The following COL28A1 variants were observed in gnomAD, a reference collection of about 807,000 sequenced individuals.
COL28A1 encodes the protein collagen type XXVIII alpha 1 chain.
A neutral mutation model predicts 150.2 loss-of-function variants in COL28A1; 161 were observed. The observed-to-expected ratio is 1.07, with a 90% CI of 0.94 to 1.22. COL28A1 has a LOEUF of 1.22. Among genes scored for constraint, COL28A1 ranks in the 50% most tolerant of loss-of-function variants. COL28A1 has a pLI of 0.00. For missense variants in COL28A1, 1,617 were observed against 1,388.3 expected (o/e 1.16, Z -2.62); for synonymous variants, 552 against 469.7 (o/e 1.18, Z -2.26).
At chr7:7,343,310 CCTT>C in the COL28A1 span, among the ~76,000 whole-genome samples, 1 of 151,974 alleles carries the variant, frequency 6.6e-6, no homozygotes, top group Non-Finnish European at 1.5e-5. Flanking sequence ...CCTCATGCCC[CCTT>C]TTTTCCTTCT....
intron 5 of COL28A1, among the ~76,000 whole-genome samples, chr7:7,520,865 G>T (rs759222829): frequency 1.3e-5 from 2 of 152,146 alleles, no homozygotes; most frequent in Non-Finnish European, 2.9e-5. Flanking sequence ...AGACTTTATA[G>T]GAAGGGATGG....
At chr7:7,533,523 C>T (rs1334444201) in intron 1 of COL28A1, among the ~76,000 whole-genome samples, 2 of 152,116 alleles carry the variant, frequency 1.3e-5, no homozygotes, top group Non-Finnish European at 2.9e-5. Context: ...TTCAAAGCTG[C>T]ATATGCAATG....
chr7:7,385,973 A>G (rs1253992632), intron 27 of COL28A1, among the ~76,000 whole-genome samples: 8 of 152,332 alleles, frequency 5.3e-5, no homozygotes, highest in South Asian at 2.1e-4. Flanking sequence ...TTTTCAATGT[A>G]TAAGTCTCAG....
chr7:7,517,825 T>C lies in COL28A1; in HGVS notation c.826A>G (p.Lys276Glu). 1.9e-6 allele frequency: 3 copies of C among 1,613,798 alleles called. No homozygotes were observed. Among genetic ancestry groups the C allele is most frequent in the Non-Finnish European group, 2.5e-6 (3 of 1,179,720 alleles). Residue 276 changes from lysine to glutamate, a missense_variant, in exon 7 of 35, where the codon AAA (lysine) becomes GAA (glutamate). By Grantham distance (56) the Lys-to-Glu change is moderately conservative. Transcript: ENST00000399429. ...GGACCTCTTTCTCCAGCTTCTCCTT[T>C]TTGAGCGTTGCCCTGTGACAAACAA... ...GPKGNPGNAQ[K>E]GEAGERGPGG... is the part of the protein sequence containing the mutation.
In COL28A1 at chr7:7,373,857, G is replaced by A. The variant is rs1289116378; in HGVS notation, c.2360-311C>T. ...TGGGACTACAGGCGCCCGCCACCTC[G>A]CCTGGCTAATTTTTTGTATTTTTAG... On this transcript the variant is annotated intron_variant, in intron 31 of 34. Transcript: ENST00000399429. This position sits in a 1 kb window ranked among gnomAD's most constrained non-coding sequence, Gnocchi z 4.1. Among the ~76,000 whole-genome samples, 1 of 151,026 alleles carries A rather than the reference G, an allele frequency of 6.6e-6. No homozygotes were observed. Among genetic ancestry groups the A allele is most frequent in the East Asian group, 1.9e-4 (1 of 5,132 alleles).
chr7:7,417,000 A>G (rs1024933068), intron 27 of COL28A1, among the ~76,000 whole-genome samples: 1 of 152,050 alleles, frequency 6.6e-6, no homozygotes, highest in Admixed American at 6.5e-5. Context: ...GTAAAAATAT[A>G]TATATATATA....
chr7:7,375,519 G>C, intron 30 of COL28A1, 22 bp from the exon 31 acceptor site: 1 of 1,447,930 alleles, frequency 6.9e-7, no homozygotes, highest in Non-Finnish European at 9.6e-7. Context: ...AAAGAAAAAT[G>C]TATTACTATA....
At chr7:7,429,119 G>C (rs535750814) in intron 25 of COL28A1, among the ~76,000 whole-genome samples, 1 of 152,244 alleles carries the variant, frequency 6.6e-6, no homozygotes, top group South Asian at 2.1e-4. Flanking sequence ...AAACACATTT[G>C]TTTTGTAAGT....
intron 25 of COL28A1, among the ~76,000 whole-genome samples, chr7:7,423,399 G>A (rs1320537991): frequency 6.6e-6 from 1 of 152,114 alleles, no homozygotes; most frequent in Non-Finnish European, 1.5e-5. Context: ...TCTCTCCAGT[G>A]AACCTGAGAT....
intron 27 of COL28A1, among the ~76,000 whole-genome samples, chr7:7,413,897 C>A (rs1783923837): frequency 6.6e-6 from 1 of 152,140 alleles, no homozygotes; most frequent in South Asian, 2.1e-4. Context: ...AGCCAGTCCA[C>A]AAATCTACCT....
intron 33 of COL28A1, among the ~76,000 whole-genome samples, chr7:7,360,761 CA>C (rs1562459975): frequency 4.6e-5 from 7 of 152,072 alleles, no homozygotes. Context: ...TTTCTGTGTA[CA>C]CACACATATA....
chr7:7,395,743 C>T (rs1035938461), intron 27 of COL28A1, among the ~76,000 whole-genome samples: 1 of 152,196 alleles, frequency 6.6e-6, no homozygotes, highest in Admixed American at 6.5e-5. Context: ...AAAGTTTAAA[C>T]CCATCCCCAC....
At chr7:7,520,852 C>T (rs889444120) in intron 5 of COL28A1, among the ~76,000 whole-genome samples, 2 of 152,058 alleles carry the variant, frequency 1.3e-5, no homozygotes, top group African/African-American at 2.4e-5. Flanking sequence ...TAGAGATAAA[C>T]GAAGACTTTA....
intron 27 of COL28A1, among the ~76,000 whole-genome samples, chr7:7,416,068 G>A (rs954945671): frequency 6.6e-6 from 1 of 152,204 alleles, no homozygotes; most frequent in African/African-American, 2.4e-5. Context: ...CTCCCACAGT[G>A]CTGAGATTAC....
intron 15 of COL28A1, among the ~76,000 whole-genome samples, chr7:7,456,634 A>G (rs1046140013): frequency 2.0e-5 from 3 of 152,230 alleles, no homozygotes; most frequent in African/African-American, 7.2e-5. Context: ...AGAAAACAAA[A>G]TTAAAGTTAC....
intron 33 of COL28A1, among the ~76,000 whole-genome samples, chr7:7,368,631 T>A (rs1781064558): frequency 6.6e-6 from 1 of 152,086 alleles, no homozygotes; most frequent in African/African-American, 2.4e-5. Context: ...ATGGGATCAA[T>A]ACCCTTATAA....
At chr7:7,514,660 C>T (rs547019503) in intron 8 of COL28A1, among the ~76,000 whole-genome samples, 1 of 152,142 alleles carries the variant, frequency 6.6e-6, no homozygotes, top group Non-Finnish European at 1.5e-5. Flanking sequence ...CCTTCCTTAA[C>T]AAATATGTCT....
chr7:7,450,200 G>C (rs779567323), intron 18 of COL28A1, among the ~76,000 whole-genome samples: 1 of 152,004 alleles, frequency 6.6e-6, no homozygotes, highest in Non-Finnish European at 1.5e-5. Flanking sequence ...AACTGATTCT[G>C]GGGTACTTGT....
At chr7:7,364,406 C>G (rs1052573571) in intron 33 of COL28A1, among the ~76,000 whole-genome samples, 4 of 152,172 alleles carry the variant, frequency 2.6e-5, no homozygotes, top group Non-Finnish European at 5.9e-5. Context: ...AGAGATACAC[C>G]AGAGGACTCT....
Sources: allele counts gnomAD v4.1 joint callset (sites outside exome capture counted in the v4.1 genomes callset), GRCh38; gene constraint gnomAD v4.1.1; non-coding constraint Gnocchi (gnomAD v3.1); transcripts MANE v1.5; gene names NCBI Gene and HGNC (gene_info 2026-07-23, HGNC 2026-07-21).